TIAM1: variants seen among roughly 807,000 people sequenced by gnomAD.
TIAM1 encodes rho guanine nucleotide exchange factor TIAM1.
TIAM1 carries 65 observed loss-of-function variants against 163.5 expected under a neutral mutation model. That is an observed-to-expected ratio of 0.40 (90% CI 0.33 to 0.49). The LOEUF is 0.49. Ranked by LOEUF, TIAM1 falls within the 20% of genes least tolerant of loss-of-function variation. The probability of loss-of-function intolerance (pLI) is 0.77; values close to 1 mark genes in which losing one functional copy is unlikely to be tolerated. For missense variants in TIAM1, 1,789 were observed against 2,044.7 expected, an observed-to-expected ratio of 0.87 and a Z score of 2.41; for synonymous variants, 833 against 810.1, an observed-to-expected ratio of 1.03 and a Z score of -0.48.
intron 3 of TIAM1, among the ~76,000 whole-genome samples, chr21:31,268,756 A>G (rs988071739): frequency 1.4e-4 from 21 of 152,254 alleles, no homozygotes; most frequent in Admixed American, 9.2e-4. Context: ...ACAACCATTT[A>G]TATTATCTAA....
In TIAM1 at chr21:31,371,520, G is replaced by T. The variant is rs915451335; in HGVS notation, c.-368-32098C>A. Among the ~76,000 whole-genome samples, 33 of 152,290 alleles carry T rather than the reference G, an allele frequency of 2.2e-4. 1 individual carries two copies. Among genetic ancestry groups the T allele is most frequent in the Admixed American group, 1.3e-3 (20 of 15,298 alleles). On this transcript the variant is annotated intron_variant, in intron 2 of 28. Coordinates refer to the TIAM1 transcript ENST00000286827. The stretch of plus-strand genomic sequence containing the variant: ...TGCCAGAGTTACTGGATGACAATTT[G>T]TTCCTGCATGTTTTTACTCCCTGCA...
At chr21:31,255,207 G>T (rs780414535) in intron 4 of TIAM1, among the ~76,000 whole-genome samples, 1 of 152,152 alleles carries the variant, frequency 6.6e-6, no homozygotes, top group Non-Finnish European at 1.5e-5. Context: ...CATCAACGGG[G>T]AATGCTCTTG....
chr21:31,418,647 A>G (rs1324094440), intron 2 of TIAM1, among the ~76,000 whole-genome samples: 1 of 152,196 alleles, frequency 6.6e-6, no homozygotes, highest in East Asian at 1.9e-4. Context: ...CAGTAAGTGC[A>G]GCCCAGCTTT....
intron 4 of TIAM1, among the ~76,000 whole-genome samples, chr21:31,263,601 G>T (rs149989747): frequency 2.6e-5 from 4 of 152,112 alleles, no homozygotes; most frequent in Non-Finnish European, 5.9e-5. Context: ...TAACTCAAAG[G>T]CTCAAATCCC....
chr21:31,468,085 TA>T (rs11443773), intron 1 of TIAM1, among the ~76,000 whole-genome samples: 134 of 139,600 alleles, frequency 9.6e-4, no homozygotes, highest in Middle Eastern at 3.9e-3. Context: ...GCGAAACTCT[TA>T]AAAAAAAAAA....
In TIAM1 at chr21:31,217,563, C is replaced by T; in HGVS notation, c.2132G>A (p.Ser711Asn). The change falls in exon 9 of 28, where the codon AGC becomes AAC. Residue 711 changes from serine (S) to asparagine (N), a missense_variant. Transcript: ENST00000541036. ...TGCTCTGGAACCTACCTGATTGATG[C>T]TTGGCCGTCCCTGCTTCTTTTTGGA... ...TTSKKKQGRPSINQVFGEGTE... is the reference protein window; with the variant it reads ...TTSKKKQGRPNINQVFGEGTE... 1.9e-6 allele frequency: 3 copies of T among 1,613,798 alleles called. No individual in the cohort carries two copies. Among genetic ancestry groups the T allele is most frequent in the South Asian group, 2.2e-5 (2 of 90,994 alleles).
At chr21:31,448,111 A>G (rs541239892) in intron 2 of TIAM1, among the ~76,000 whole-genome samples, 3 of 152,154 alleles carry the variant, frequency 2.0e-5, no homozygotes, top group Non-Finnish European at 4.4e-5. Flanking sequence ...GGTTCATCTC[A>G]TCCAAAAACA....
intron 2 of TIAM1, among the ~76,000 whole-genome samples, chr21:31,425,056 CAA>C (rs370622503): frequency 1.0e-4 from 10 of 97,840 alleles, no homozygotes; most frequent in South Asian, 3.1e-4. Flanking sequence ...CCGTCTCAAA[CAA>C]AAAAAAAAAA....
At chr21:31,455,642 CTA>C (rs1460022703) in intron 2 of TIAM1, among the ~76,000 whole-genome samples, 1 of 152,122 alleles carries the variant, frequency 6.6e-6, no homozygotes. Flanking sequence ...ACACAGTAAA[CTA>C]TGAGTTAATA....
At chr21:31,483,587 A>T (rs1323680481) in intron 1 of TIAM1, among the ~76,000 whole-genome samples, 1 of 152,088 alleles carries the variant, frequency 6.6e-6, no homozygotes, top group African/African-American at 2.4e-5. Context: ...AGGGGCCAAG[A>T]TTGGTTTTAT....
intron 1 of TIAM1, among the ~76,000 whole-genome samples, chr21:31,506,234 C>T (rs570719365): frequency 4.2e-5 from 6 of 142,746 alleles, no homozygotes; most frequent in African/African-American, 1.6e-4. Context: ...ATAGCACTCT[C>T]TCTAAACTCA....
chr21:31,359,862 A>G (rs112671530), intron 2 of TIAM1, among the ~76,000 whole-genome samples: 17,998 of 118,028 alleles, frequency 0.15, 1,726 homozygotes, highest in South Asian at 0.28. Context: ...GGAAGGAAGG[A>G]AGGGAGGGAG....
intron 2 of TIAM1, among the ~76,000 whole-genome samples, chr21:31,316,383 G>A (rs1284479658): frequency 1.3e-5 from 2 of 152,144 alleles, no homozygotes; most frequent in African/African-American, 4.8e-5. Flanking sequence ...TTGAGACAAT[G>A]GTGACATGTA....
intron 18 of TIAM1, 85 bp from the exon 19 acceptor site, chr21:31,152,846 T>C: frequency 6.6e-7 from 1 of 1,507,224 alleles, no homozygotes; most frequent in Non-Finnish European, 8.9e-7. Context: ...GGTTTTTCTA[T>C]CAATTCTTAT....
intron 27 of TIAM1, among the ~76,000 whole-genome samples, chr21:31,121,281 C>T (rs2081992265): frequency 6.6e-6 from 1 of 152,142 alleles, no homozygotes; most frequent in African/African-American, 2.4e-5. Flanking sequence ...TGAAGATCCC[C>T]AGGGCTGTCC....
intron 1 of TIAM1, among the ~76,000 whole-genome samples, chr21:31,525,626 T>C (rs1264721931): frequency 6.6e-6 from 1 of 152,170 alleles, no homozygotes; most frequent in Non-Finnish European, 1.5e-5. Flanking sequence ...GTCACACTGC[T>C]AGCAGGGCCA....
At chr21:31,341,026 C>T (rs1004837065) in intron 1 of TIAM1, among the ~76,000 whole-genome samples, 1 of 152,098 alleles carries the variant, frequency 6.6e-6, no homozygotes, top group Non-Finnish European at 1.5e-5. Context: ...TTTTATTCTA[C>T]GGCAGTAACT....
At chr21:31,518,669 T>C (rs2047464040) in intron 1 of TIAM1, among the ~76,000 whole-genome samples, 1 of 152,004 alleles carries the variant, frequency 6.6e-6, no homozygotes. Context: ...TTTTCAACAA[T>C]AATGCAGGCG....
At chr21:31,540,539 G>A (rs1357374841) in intron 1 of TIAM1, among the ~76,000 whole-genome samples, 2 of 152,216 alleles carry the variant, frequency 1.3e-5, no homozygotes, top group East Asian at 3.9e-4. Flanking sequence ...GGGAGTTTGT[G>A]ACCAGCTTGG....
Sources: gnomAD v4.1 joint callset for allele counts (sites outside exome capture counted in the v4.1 genomes callset) on GRCh38, gnomAD v4.1.1 for gene constraint, MANE v1.5 for transcripts, NCBI Gene and HGNC (gene_info 2026-07-23, HGNC 2026-07-21) for gene names.